PDXDC1: variants seen among roughly 807,000 people sequenced by gnomAD.
The protein encoded by PDXDC1 is pyridoxal dependent decarboxylase domain containing 1.
Under a neutral mutation model 100.1 loss-of-function variants are expected in PDXDC1, and 42 were observed. That is an observed-to-expected ratio of 0.42 (90% CI 0.33 to 0.54). The LOEUF (loss-of-function observed/expected upper bound fraction) is 0.54. PDXDC1 is among the 20% of genes least tolerant of loss of function. The probability of loss-of-function intolerance (pLI) is 0.10; values close to 1 mark genes in which losing one functional copy is unlikely to be tolerated. For synonymous variants in PDXDC1, 260 were observed against 371.7 expected (o/e 0.70, Z 3.46); for missense variants, 636 against 979.2 (o/e 0.65, Z 4.68).
At chr16:14,985,337 G>C (rs1261907026) in intron 1 of PDXDC1, among the ~76,000 whole-genome samples, 1 of 149,160 alleles carries the variant, frequency 6.7e-6, no homozygotes, top group African/African-American at 2.5e-5. Context: ...GCCCAGGCTG[G>C]AGTGCAGTGG....
chr16:15,076,777 C>G, intron 16 of PDXDC1: 1 of 657,256 alleles, frequency 1.5e-6, no homozygotes, highest in African/African-American at 1.8e-5. Flanking sequence ...TATCACACCC[C>G]AACACAATAC....
chr16:15,086,956 T>C (rs755800613), intron 16 of PDXDC1, among the ~76,000 whole-genome samples: 8 of 152,188 alleles, frequency 5.3e-5, no homozygotes, highest in African/African-American at 1.4e-4. Flanking sequence ...TATGATGTGA[T>C]TGTTCTGTAT....
intron 16 of PDXDC1, among the ~76,000 whole-genome samples, chr16:15,124,874 C>A (rs979666593): frequency 1.4e-5 from 2 of 140,132 alleles, no homozygotes; most frequent in African/African-American, 5.3e-5. Flanking sequence ...TTTGGCTGGG[C>A]ATGGTGGCTC....
chr16:15,145,094 C>T, the PDXDC1 span, among the ~76,000 whole-genome samples: 1 of 152,180 alleles, frequency 6.6e-6, no homozygotes, highest in Non-Finnish European at 1.5e-5. Flanking sequence ...CCTCCTCCTC[C>T]CCCAACACCA....
At position 15,131,088 on chromosome 16, in the gene PDXDC1, G is replaced by A. The variant is rs531290127; in HGVS notation, c.1400-7791G>A. ...GTGTGCCTCACCCGCTGCACGCACC[G>A]TCCAGCAGCGTATAGTTGAGCTGCA... On this transcript the variant is annotated intron_variant, in intron 16 of 16. Transcript: ENST00000535621. 1.7e-4 allele frequency: 269 copies of A among 1,606,000 alleles called. 2 individuals carry two copies. The highest frequency in any genetic ancestry group is 1.4e-3 in the South Asian group (129 of 90,602).
At chr16:15,056,743 T>C (rs2044539667) in intron 16 of PDXDC1, among the ~76,000 whole-genome samples, 1 of 152,152 alleles carries the variant, frequency 6.6e-6, no homozygotes, top group Admixed American at 6.5e-5. Context: ...CAATGAGCTA[T>C]GTTTGGGCAC....
At chr16:15,135,986 G>A (rs1190615288) in intron 16 of PDXDC1, 1 of 1,558,902 alleles carries the variant, frequency 6.4e-7, no homozygotes, top group Non-Finnish European at 8.7e-7. Flanking sequence ...GTGGGCCCGA[G>A]CCAGATGCAG....
intron 1 of PDXDC1, among the ~76,000 whole-genome samples, chr16:14,983,427 G>A (rs1228178072): frequency 6.6e-6 from 1 of 152,090 alleles, no homozygotes; most frequent in African/African-American, 2.4e-5. Context: ...AAAAAAACTA[G>A]CCGGGTGTCG....
intron 8 of PDXDC1, among the ~76,000 whole-genome samples, chr16:15,012,414 A>AT (rs1217272428): frequency 3.9e-5 from 6 of 152,280 alleles, no homozygotes; most frequent in African/African-American, 1.2e-4. Flanking sequence ...CCACAATACA[A>AT]TTTTTTAAAT....
chr16:15,095,466 A>T (rs2046321139), intron 16 of PDXDC1, among the ~76,000 whole-genome samples: 1 of 152,094 alleles, frequency 6.6e-6, no homozygotes, highest in Non-Finnish European at 1.5e-5. Flanking sequence ...GAGGCTGAGG[A>T]TTGCTTGAGC....
At chr16:15,063,100 G>C (rs1264215122) in intron 16 of PDXDC1, 4 of 918,952 alleles carry the variant, frequency 4.4e-6, no homozygotes, top group Non-Finnish European at 5.5e-6. Context: ...AAAGTGCGGG[G>C]ATTACACGCA....
At chr16:15,127,890 T>A in intron 16 of PDXDC1, 1 of 1,538,414 alleles carries the variant, frequency 6.5e-7, no homozygotes, top group Non-Finnish European at 8.8e-7. Flanking sequence ...GCAACAGGGC[T>A]GCGTGACCTA....
chr16:15,072,453 G>A (rs1336074433), intron 16 of PDXDC1, among the ~76,000 whole-genome samples: 3 of 152,186 alleles, frequency 2.0e-5, no homozygotes, highest in South Asian at 2.1e-4. Context: ...TGACATTTTC[G>A]GAGCACCTAG....
At chr16:15,082,840 A>G (rs924732058) in intron 16 of PDXDC1, among the ~76,000 whole-genome samples, 4 of 152,226 alleles carry the variant, frequency 2.6e-5, no homozygotes, top group African/African-American at 9.6e-5. Flanking sequence ...AAACTTAAGC[A>G]GAATTCTTCT....
At position 15,125,777 on chromosome 16, in the gene PDXDC1, C is replaced by T. The variant is rs758255259; in HGVS notation, c.1400-13102C>T. 6.9e-5 allele frequency: 104 copies of T among 1,504,058 alleles called. No individual in the cohort carries two copies. The African/African-American group carries it at 9.4e-4, about 14-fold the overall frequency. The allele number at this position is 1,504,058 out of a possible 1,614,324, so 93.2% of individuals were successfully genotyped here. A position where few individuals can be genotyped will look rare whatever the true frequency, so the allele number is the denominator to read the frequency against. ...CTGTCGATGTCCAGCACCTGCTGCC[C>T]GGCAGGTGTGGGGCTCGGGCTCCCA... On this transcript the variant is annotated intron_variant, in intron 16 of 16. Transcript: ENST00000535621.
At chr16:15,146,103 G>A in the PDXDC1 span, among the ~76,000 whole-genome samples, 1 of 152,202 alleles carries the variant, frequency 6.6e-6, no homozygotes, top group African/African-American at 2.4e-5. Flanking sequence ...TTTGGCAGCG[G>A]TGCCCGGCCA....
chr16:15,091,243 G>T (rs2046119784), intron 16 of PDXDC1: 1 of 1,579,536 alleles, frequency 6.3e-7, no homozygotes, highest in Admixed American at 1.7e-5. Flanking sequence ...GACAGAATGG[G>T]ACCCAAAGAG....
intron 16 of PDXDC1, among the ~76,000 whole-genome samples, chr16:15,064,930 G>A (rs1367383560): frequency 6.6e-6 from 1 of 152,186 alleles, no homozygotes; most frequent in Non-Finnish European, 1.5e-5. Context: ...ACTTTGGGAG[G>A]CCGAGGCGGG....
In PDXDC1 at chr16:15,034,460, G is replaced by A. The variant is rs1172679942; in HGVS notation, c.1909G>A (p.Val637Met). Residue 637 changes from valine (V) to methionine (M), a missense_variant, in exon 21 of 23, where the codon GTG becomes ATG. By Grantham distance (21) the Val-to-Met change is conservative (BLOSUM62 1). This residue lies in a region of PDXDC1 where 452 missense variants were observed against 402.9 expected (regional missense o/e 1.12). Transcript: ENST00000396410. ...ASEERLLEEG[V>M]LRQIPVVGSV... Reference sequence around the variant, plus strand: ...GAACTCTGGTCCTGTCTTGCAGGGGGTGTTGCGGCAGATCCCTGTAGTGGG... The same window carrying A: ...GAACTCTGGTCCTGTCTTGCAGGGGATGTTGCGGCAGATCCCTGTAGTGGG... 2.2e-5 allele frequency: 35 copies of A among 1,614,122 alleles called. No individual in the cohort carries two copies. The highest frequency in any genetic ancestry group is 2.9e-5 in the Non-Finnish European group (34 of 1,180,004).
Sources: allele counts gnomAD v4.1 joint callset (sites outside exome capture counted in the v4.1 genomes callset), GRCh38; gene constraint gnomAD v4.1.1; regional missense constraint gnomAD v4.1.1; transcripts MANE v1.5; gene names NCBI Gene and HGNC (gene_info 2026-07-23, HGNC 2026-07-21).